The following DCC variants were observed in gnomAD, a reference collection of about 807,000 sequenced individuals.
The protein encoded by DCC is DCC netrin 1 receptor, also known as netrin receptor DCC.
A neutral mutation model predicts 172.5 loss-of-function variants in DCC; 58 were observed. That is an observed-to-expected ratio of 0.34 (90% CI 0.27 to 0.42). The LOEUF (loss-of-function observed/expected upper bound fraction) is 0.42, where lower values mean the gene tolerates loss of function less well. Ranked by LOEUF, DCC falls within the 10% of genes least tolerant of loss-of-function variation. DCC has a pLI of 1.00. For missense variants in DCC, 1,740 were observed against 1,791.0 expected (o/e 0.97, Z 0.51); for synonymous variants, 709 against 644.5 (o/e 1.10, Z -1.52).
chr18:53,420,545 T>A (rs919460582), intron 21 of DCC, among the ~76,000 whole-genome samples: 3 of 152,098 alleles, frequency 2.0e-5, no homozygotes, highest in African/African-American at 7.2e-5. Flanking sequence ...CAGATCAAGG[T>A]TCAGTGTGGT....
intron 27 of DCC, among the ~76,000 whole-genome samples, chr18:53,518,356 G>A (rs1017378910): frequency 2.0e-5 from 3 of 152,082 alleles, no homozygotes; most frequent in Non-Finnish European, 2.9e-5. Flanking sequence ...GCCTCTGATC[G>A]GACCCTGGTG....
chr18:52,913,126 A>G (rs1284123456), intron 3 of DCC, among the ~76,000 whole-genome samples: 1 of 152,062 alleles, frequency 6.6e-6, no homozygotes, highest in African/African-American at 2.4e-5. Context: ...CTTGGTAACT[A>G]GGGCTAGGCA....
chr18:53,103,942 T>C (rs573415234), intron 7 of DCC, among the ~76,000 whole-genome samples: 1 of 152,132 alleles, frequency 6.6e-6, no homozygotes, highest in African/African-American at 2.4e-5. Flanking sequence ...TGAGGCACTT[T>C]CTTGGGGTAT....
At chr18:52,553,479 G>A (rs2032831074) in intron 1 of DCC, among the ~76,000 whole-genome samples, 1 of 151,994 alleles carries the variant, frequency 6.6e-6, no homozygotes, top group African/African-American at 2.4e-5. Context: ...TTGACCAGGC[G>A]ACACAAAGAG....
At chr18:53,059,534 C>A (rs1201571741) in intron 5 of DCC, among the ~76,000 whole-genome samples, 1 of 152,078 alleles carries the variant, frequency 6.6e-6, no homozygotes, top group African/African-American at 2.4e-5. Context: ...CTTTTTAAGA[C>A]CCTCTCCCAT....
intron 1 of DCC, among the ~76,000 whole-genome samples, chr18:52,730,922 CATT>C (rs1478411512): frequency 2.0e-5 from 3 of 152,190 alleles, no homozygotes; most frequent in Non-Finnish European, 4.4e-5. Context: ...TCTGCTTAAT[CATT>C]ATATCCTGTT....
chr18:53,413,654 C>A (rs1055363599), intron 20 of DCC, among the ~76,000 whole-genome samples: 5 of 152,152 alleles, frequency 3.3e-5, no homozygotes, highest in Non-Finnish European at 7.4e-5. Context: ...TCTTAGACTG[C>A]AGACAATGCA....
chr18:53,397,991 A>G (rs1480790922), intron 18 of DCC, among the ~76,000 whole-genome samples: 2 of 152,088 alleles, frequency 1.3e-5, no homozygotes, highest in Non-Finnish European at 2.9e-5. Flanking sequence ...AATAGTTCAA[A>G]TCTAGGGTAA....
intron 5 of DCC, among the ~76,000 whole-genome samples, chr18:53,052,634 AG>A (rs2042348788): frequency 6.6e-6 from 1 of 152,106 alleles, no homozygotes; most frequent in African/African-American, 2.4e-5. Context: ...CAGGCATGGT[AG>A]GGGAATGAGT....
At chr18:52,905,171 GTTTA>G (rs372908280) in intron 2 of DCC, among the ~76,000 whole-genome samples, 45 of 152,088 alleles carry the variant, frequency 3.0e-4, no homozygotes, top group African/African-American at 6.3e-4. Flanking sequence ...GTAATGGCCA[GTTTA>G]TTTGTTTTAT....
intron 14 of DCC, among the ~76,000 whole-genome samples, chr18:53,323,606 G>C (rs185357721): frequency 1.3e-5 from 2 of 152,084 alleles, no homozygotes; most frequent in East Asian, 1.9e-4. Flanking sequence ...TTGGGTACTT[G>C]AAAACTACAG....
chr18:52,871,450 T>C (rs2039316578), intron 2 of DCC, among the ~76,000 whole-genome samples: 1 of 152,110 alleles, frequency 6.6e-6, no homozygotes, highest in Non-Finnish European at 1.5e-5. Flanking sequence ...CATTCTACCC[T>C]AGGCTACCCC....
At chr18:52,381,689 A>C (rs1466414830) in intron 1 of DCC, among the ~76,000 whole-genome samples, 2 of 152,094 alleles carry the variant, frequency 1.3e-5, no homozygotes, top group Non-Finnish European at 2.9e-5. Context: ...CAATATTTGC[A>C]GATCCTCAAC....
At chr18:52,856,642 AAG>A (rs1491111475) in intron 2 of DCC, among the ~76,000 whole-genome samples, 1 of 151,144 alleles carries the variant, frequency 6.6e-6, no homozygotes, top group Non-Finnish European at 1.5e-5. Context: ...AAAAAAAAAA[AAG>A]AAAACAAAAT....
chr18:53,363,545 C>T (rs2144937828), intron 15 of DCC, among the ~76,000 whole-genome samples: 1 of 152,164 alleles, frequency 6.6e-6, no homozygotes, highest in East Asian at 1.9e-4. Context: ...TTATAACTCT[C>T]CATTCTCTCC....
rs570357738 is a variant in DCC at position 52,875,046 on chromosome 18, C to A, written c.413-30998C>A. Among the ~76,000 whole-genome samples, 192 of 151,952 alleles carry A rather than the reference C, an allele frequency of 1.3e-3. 2 individuals are homozygous for A. The highest frequency in any genetic ancestry group is 2.0e-3 in the Admixed American group (30 of 15,242). On this transcript the variant is annotated intron_variant, in intron 2 of 28. Transcript: ENST00000442544. ...AATATTGCCTTCTGGGGTGTTTGGG[C>A]CAGACAGAGGAAGTATGGCTTTAGA...
At chr18:52,970,473 A>G (rs2041012339) in intron 5 of DCC, among the ~76,000 whole-genome samples, 1 of 152,162 alleles carries the variant, frequency 6.6e-6, no homozygotes, top group Non-Finnish European at 1.5e-5. Flanking sequence ...CTAAGTATGT[A>G]TATATATCAA....
chr18:52,699,408 A>G (rs1016539407), intron 1 of DCC, among the ~76,000 whole-genome samples: 1 of 152,176 alleles, frequency 6.6e-6, no homozygotes. Context: ...ATTATCCCCT[A>G]TCCCCCCCAA....
intron 1 of DCC, among the ~76,000 whole-genome samples, chr18:52,466,097 A>T (rs1988776443): frequency 6.6e-6 from 1 of 152,194 alleles, no homozygotes; most frequent in South Asian, 2.1e-4. Context: ...AGGTGGTTTC[A>T]TAGTTGAAGT....
Sources: allele counts gnomAD v4.1 joint callset (sites outside exome capture counted in the v4.1 genomes callset), GRCh38; gene constraint gnomAD v4.1.1; transcripts MANE v1.5; gene names NCBI Gene and HGNC (gene_info 2026-07-23, HGNC 2026-07-21).